Variants in NRP1 observed in about 807,000 individuals in gnomAD.
NRP1 encodes the protein neuropilin-1.
Under a neutral mutation model 106.7 loss-of-function variants are expected in NRP1, and 35 were observed. That is an observed-to-expected ratio of 0.33 (90% CI 0.25 to 0.43). The LOEUF (loss-of-function observed/expected upper bound fraction) is 0.43. Ranked by LOEUF, NRP1 falls within the 20% of genes least tolerant of loss-of-function variation. The pLI, the probability that NRP1 is intolerant of heterozygous loss-of-function variation, is 1.00. For missense variants in NRP1, 1,024 were observed against 1,170.4 expected (o/e 0.87, Z 1.83); for synonymous variants, 437 against 417.9 (o/e 1.05, Z -0.56).
At chr10:33,182,856 C>T (rs1232504160) in intron 15 of NRP1, 108 bp from the exon 16 acceptor site, 1 of 800,568 alleles carries the variant, frequency 1.2e-6, no homozygotes, top group Admixed American at 2.0e-5. Context: ...CACACACACA[C>T]ACACACGTGT....
At chr10:33,286,243 G>A (rs146636571) in intron 2 of NRP1, among the ~76,000 whole-genome samples, 154 of 152,306 alleles carry the variant, frequency 1.0e-3, no homozygotes, top group Non-Finnish European at 1.6e-3. Context: ...AGGTTGTTGA[G>A]ATGTTATTAC....
chr10:33,299,236 C>G (rs891914963), intron 2 of NRP1, among the ~76,000 whole-genome samples: 1 of 152,152 alleles, frequency 6.6e-6, no homozygotes, highest in Non-Finnish European at 1.5e-5. Flanking sequence ...GTCCCTGCCC[C>G]CCTGACCCTG....
At chr10:33,312,057 A>C (rs1389956986) in intron 2 of NRP1, among the ~76,000 whole-genome samples, 1 of 152,246 alleles carries the variant, frequency 6.6e-6, no homozygotes, top group Non-Finnish European at 1.5e-5. Flanking sequence ...TTTAACAAAA[A>C]TATGGCTCAG....
intron 2 of NRP1, among the ~76,000 whole-genome samples, chr10:33,285,498 C>A (rs1844458306): frequency 1.3e-5 from 2 of 152,124 alleles, no homozygotes; most frequent in South Asian, 4.2e-4. Context: ...GGATCCACTT[C>A]TAATTTAAGA....
At chr10:33,213,198 C>T in intron 9 of NRP1, 188 bp downstream of exon 9, 1 of 1,473,762 alleles carries the variant, frequency 6.8e-7, no homozygotes, top group Non-Finnish European at 9.2e-7. Flanking sequence ...TGCATGTTAT[C>T]TCAGACATCA....
intron 16 of NRP1, among the ~76,000 whole-genome samples, chr10:33,180,830 A>G (rs1218081054): frequency 6.6e-6 from 1 of 152,234 alleles, no homozygotes; most frequent in Non-Finnish European, 1.5e-5. Flanking sequence ...AGGATCTGGC[A>G]TGGTTTATGC....
At chr10:33,311,251 T>C (rs1396137011) in intron 2 of NRP1, among the ~76,000 whole-genome samples, 2 of 152,254 alleles carry the variant, frequency 1.3e-5, no homozygotes, top group South Asian at 2.1e-4. Flanking sequence ...GGGTTACAAG[T>C]AGAGAGCACC....
In NRP1 at chr10:33,221,816, G is replaced by T; in HGVS notation, c.1185C>A (p.Phe395Leu). Reference sequence around the variant, plus strand: ...CAAATCGAGTTATCAGTGGTTTGGGGAATACTGCAACCACAACATCTGTGG... The same window carrying T: ...CAAATCGAGTTATCAGTGGTTTGGGTAATACTGCAACCACAACATCTGTGG... The part of the protein sequence containing the change: ...TNPTDVVVAV[F>L]PKPLITRFVR... Residue 395 changes from phenylalanine to leucine, a missense_variant, in exon 8 of 17, where the codon TTC becomes TTA. By Grantham distance (22) the Phe-to-Leu change is conservative (BLOSUM62 0). Coordinates refer to ENST00000374867, the MANE Select transcript of NRP1 (RefSeq NM_003873.7). 2 of 1,614,062 alleles carry T rather than the reference G, an allele frequency of 1.2e-6. No homozygotes were observed. The highest frequency in any genetic ancestry group is 1.3e-5 in the African/African-American group (1 of 75,044).
chr10:33,234,364 T>G (rs1386847650), intron 6 of NRP1, among the ~76,000 whole-genome samples: 1 of 152,198 alleles, frequency 6.6e-6, no homozygotes, highest in African/African-American at 2.4e-5. Context: ...GCTACACCTA[T>G]GCTATTCCCC....
At chr10:33,319,150 G>A (rs1847265049) in intron 2 of NRP1, among the ~76,000 whole-genome samples, 1 of 151,644 alleles carries the variant, frequency 6.6e-6, no homozygotes, top group Non-Finnish European at 1.5e-5. Flanking sequence ...GACTACAGGC[G>A]CCCGCCACCA....
chr10:33,244,673 A>G (rs1004574674), intron 6 of NRP1, among the ~76,000 whole-genome samples: 1 of 152,174 alleles, frequency 6.6e-6, no homozygotes, highest in Non-Finnish European at 1.5e-5. Context: ...CCATGAAAAG[A>G]TAAGTTATTA....
At chr10:33,306,478 C>T (rs985907612) in intron 2 of NRP1, among the ~76,000 whole-genome samples, 19 of 151,958 alleles carry the variant, frequency 1.3e-4, no homozygotes, top group Non-Finnish European at 1.6e-4. Flanking sequence ...TTCAAAGCAC[C>T]TTCAGAAGCA....
chr10:33,327,784 C>T (rs1211724369), intron 2 of NRP1, among the ~76,000 whole-genome samples: 1 of 152,100 alleles, frequency 6.6e-6, no homozygotes, highest in East Asian at 1.9e-4. Flanking sequence ...ATGCACCCTT[C>T]AACACTGAGC....
intron 10 of NRP1, chr10:33,206,439 A>G: frequency 7.1e-6 from 3 of 420,862 alleles, no homozygotes; most frequent in Non-Finnish European, 1.4e-5. Flanking sequence ...CTGCTTTTAA[A>G]TAAACACATT....
intron 2 of NRP1, among the ~76,000 whole-genome samples, chr10:33,278,825 G>A (rs1222335191): frequency 6.6e-6 from 1 of 152,114 alleles, no homozygotes; most frequent in African/African-American, 2.4e-5. Flanking sequence ...CTTTTGTAAT[G>A]TCTCAGGGGT....
chr10:33,294,653 G>A (rs1392682527), intron 2 of NRP1, among the ~76,000 whole-genome samples: 1 of 150,882 alleles, frequency 6.6e-6, no homozygotes, highest in Non-Finnish European at 1.5e-5. Flanking sequence ...CCTAATAACT[G>A]TGCTAAGAGA....
chr10:33,294,743 A>T (rs1053753333), intron 2 of NRP1, among the ~76,000 whole-genome samples: 3 of 152,168 alleles, frequency 2.0e-5, no homozygotes, highest in Non-Finnish European at 2.9e-5. Flanking sequence ...TGAAACCCTG[A>T]AGGGTTCACC....
intron 2 of NRP1, among the ~76,000 whole-genome samples, chr10:33,290,971 G>A (rs991847820): frequency 7.2e-5 from 11 of 152,202 alleles, no homozygotes; most frequent in African/African-American, 2.4e-4. Flanking sequence ...CCAGCCCTGC[G>A]TGTTCTTTGC....
chr10:33,268,382 G>A lies in NRP1; in HGVS notation c.430+2293C>T, dbSNP rs536002863. On this transcript the variant is annotated intron_variant, in intron 3 of 16. Transcript: ENST00000374867. ...TTAATGGCAGTGACATGGAAAAGAA[G>A]CTGAGAGTCTTTGAGACCTTTGGAT... 4.6e-5 allele frequency among the ~76,000 whole-genome samples: 7 copies of A among 152,268 alleles called. No individual in the cohort carries two copies. In the East Asian group the frequency reaches 1.4e-3, roughly 29 times the overall value.
Sources: gnomAD v4.1 joint callset for allele counts (sites outside exome capture counted in the v4.1 genomes callset) on GRCh38, gnomAD v4.1.1 for gene constraint, MANE v1.5 for transcripts, NCBI Gene and HGNC (gene_info 2026-07-23, HGNC 2026-07-21) for gene names.